Variants in MARK1 observed in about 807,000 individuals in gnomAD.
MARK1 encodes the protein serine/threonine-protein kinase MARK1.
Under a neutral mutation model 96.3 loss-of-function variants are expected in MARK1, and 40 were observed. The ratio of observed to expected loss-of-function variants is 0.42; its 90% confidence interval spans 0.32 to 0.54. The LOEUF is 0.54. Among genes scored for constraint, MARK1 ranks in the 20% least tolerant of loss-of-function variants. The pLI, the probability that MARK1 is intolerant of heterozygous loss-of-function variation, is 0.16. For missense variants in MARK1, 719 were observed against 984.6 expected (o/e 0.73, Z 3.61); for synonymous variants, 317 against 341.2 (o/e 0.93, Z 0.78).
intron 3 of MARK1, among the ~76,000 whole-genome samples, chr1:220,595,606 A>T (rs1242359937): frequency 6.6e-6 from 1 of 152,136 alleles, no homozygotes; most frequent in Non-Finnish European, 1.5e-5. Flanking sequence ...TAGGATCTTG[A>T]TTTTTTTCTA....
chr1:220,613,076 T>C (rs1294420992), intron 6 of MARK1, among the ~76,000 whole-genome samples: 1 of 152,204 alleles, frequency 6.6e-6, no homozygotes, highest in African/African-American at 2.4e-5. Flanking sequence ...CAGTAAATCA[T>C]GTTTTCAGGA....
chr1:220,558,133 AAATAATAATAATAATAATAAT>A (rs56212262), intron 1 of MARK1, among the ~76,000 whole-genome samples: 4 of 137,158 alleles, frequency 2.9e-5, no homozygotes, highest in East Asian at 2.1e-4. Flanking sequence ...ACCCTGTCTC[AAATAATAATAATAATAATAAT>A]AATAATAATA....
chr1:220,610,030 G>A (rs897085114), intron 6 of MARK1, among the ~76,000 whole-genome samples: 9 of 152,068 alleles, frequency 5.9e-5, no homozygotes, highest in African/African-American at 2.2e-4. Flanking sequence ...TATGTGTCTT[G>A]GGGTTGTTCT....
intron 1 of MARK1, among the ~76,000 whole-genome samples, chr1:220,535,172 A>G (rs960894770): frequency 2.0e-5 from 3 of 152,058 alleles, no homozygotes; most frequent in Admixed American, 2.0e-4. Context: ...TTACATTTCC[A>G]CCAACAGTGC....
intron 13 of MARK1, among the ~76,000 whole-genome samples, chr1:220,647,948 T>C (rs1668673054): frequency 6.6e-6 from 1 of 151,930 alleles, no homozygotes; most frequent in Non-Finnish European, 1.5e-5. Context: ...CATGCTGGGC[T>C]TAATACCTAG....
At chr1:220,587,523 C>T (rs1319372332) in intron 3 of MARK1, among the ~76,000 whole-genome samples, 1 of 152,066 alleles carries the variant, frequency 6.6e-6, no homozygotes, top group Admixed American at 6.6e-5. Flanking sequence ...TGCCCGCCAC[C>T]AAGCCCAGCT....
intron 1 of MARK1, among the ~76,000 whole-genome samples, chr1:220,564,449 C>A (rs1209053251): frequency 6.6e-6 from 1 of 152,030 alleles, no homozygotes; most frequent in Admixed American, 6.6e-5. Flanking sequence ...TGGAGACATA[C>A]AATTAATTAT....
At chr1:220,605,936 C>G (rs1455977741) in intron 6 of MARK1, among the ~76,000 whole-genome samples, 2 of 152,120 alleles carry the variant, frequency 1.3e-5, no homozygotes, top group African/African-American at 2.4e-5. Context: ...TGGGTTGGTT[C>G]CAAGTCTTTG....
At chr1:220,633,250 G>T (rs1379299823) in intron 11 of MARK1, among the ~76,000 whole-genome samples, 1 of 152,182 alleles carries the variant, frequency 6.6e-6, no homozygotes, top group African/African-American at 2.4e-5. Context: ...GGAGGGGACA[G>T]AGCATCCAAA....
At position 220,630,399 on chromosome 1, in the gene MARK1, G is replaced by T. The variant is rs1272008869; in HGVS notation, c.910-636G>T. Among the ~76,000 whole-genome samples, 3 of 151,884 alleles carry T rather than the reference G, an allele frequency of 2.0e-5. No individual in the cohort carries two copies. The South Asian group carries it at 6.2e-4, about 32-fold the overall frequency. On this transcript the variant is annotated intron_variant, in intron 9 of 17. Transcript: ENST00000366917. The stretch of plus-strand genomic sequence containing the variant: ...AAATATTTTTCCCATTCTCTAGTTG[G>T]CCCCCACAAGGTTGCCTTTTAACAG...
At position 220,627,239 on chromosome 1, in the gene MARK1, G is replaced by A. The variant is rs868847725; in HGVS notation, c.910-3796G>A. On this transcript the variant is annotated intron_variant, in intron 9 of 17. Transcript: ENST00000366917. ...ATCTCGATCTGTTCCTCTGACAAAC[G>A]AATTGCCTGTGAGGAAGAGTTCTCT... 3.1e-5 allele frequency: 15 copies of A among 486,570 alleles called. No individual in the cohort carries two copies. In the Middle Eastern group the frequency reaches 2.8e-3, roughly 91 times the overall value. The allele number at this position is 486,570 out of a possible 1,614,324, so 30.1% of individuals were successfully genotyped here.
chr1:220,612,647 T>C (rs1666517248), intron 6 of MARK1, among the ~76,000 whole-genome samples: 1 of 152,196 alleles, frequency 6.6e-6, no homozygotes, highest in Non-Finnish European at 1.5e-5. Context: ...TGACTACAGA[T>C]AAATTTATAC....
chr1:220,540,073 T>A (rs1292967253), intron 1 of MARK1, among the ~76,000 whole-genome samples: 1 of 152,202 alleles, frequency 6.6e-6, no homozygotes, highest in Non-Finnish European at 1.5e-5. Context: ...TTTGTTTAGA[T>A]GTTCTATTTT....
chr1:220,633,051 G>A (rs1001471524), intron 11 of MARK1, among the ~76,000 whole-genome samples: 1 of 152,264 alleles, frequency 6.6e-6, no homozygotes, highest in East Asian at 1.9e-4. Flanking sequence ...CATGGCAAGA[G>A]GGAACAGGTG....
intron 9 of MARK1, among the ~76,000 whole-genome samples, chr1:220,624,648 C>T (rs1428381933): frequency 6.6e-6 from 1 of 151,842 alleles, no homozygotes; most frequent in Non-Finnish European, 1.5e-5. Context: ...CTCATTTCCC[C>T]AAATAACAAA....
chr1:220,565,646 C>T (rs1330014273), intron 1 of MARK1, among the ~76,000 whole-genome samples: 1 of 152,130 alleles, frequency 6.6e-6, no homozygotes, highest in Non-Finnish European at 1.5e-5. Context: ...CCCAAAAGCT[C>T]AGGCTAAAGA....
Position 220,579,528 on chromosome 1 carries a change from T to C in MARK1, c.226T>C (p.Leu76=), listed in dbSNP as rs369822958. 13 of 1,613,858 alleles carry C rather than the reference T, an allele frequency of 8.1e-6. No homozygotes were observed. The African/African-American group carries it at 1.3e-4, about 17-fold the overall frequency. The part of the protein sequence containing the change: ...IGKGNFAKVK[L]ARHVLTGREV... ...GAAGGGAAATTTTGCCAAAGTCAAA[T>C]TGGCAAGACACGTTCTAACTGGTAG... The change falls in exon 2 of 18, where the codon TTG becomes CTG. Residue 76 remains leucine (L), a synonymous_variant. Transcript: ENST00000366917.
At chr1:220,638,800 A>C (rs1668116582) in intron 13 of MARK1, among the ~76,000 whole-genome samples, 1 of 152,200 alleles carries the variant, frequency 6.6e-6, no homozygotes, top group Admixed American at 6.5e-5. Context: ...AAACCAAAGT[A>C]ATATATTTTG....
intron 3 of MARK1, among the ~76,000 whole-genome samples, chr1:220,581,905 G>T (rs1425240094): frequency 6.6e-6 from 1 of 152,168 alleles, no homozygotes; most frequent in Non-Finnish European, 1.5e-5. Flanking sequence ...TAACATTTAT[G>T]CTGTATGTGA....
Sources: allele counts gnomAD v4.1 joint callset (sites outside exome capture counted in the v4.1 genomes callset), GRCh38; gene constraint gnomAD v4.1.1; transcripts MANE v1.5; gene names NCBI Gene and HGNC (gene_info 2026-07-23, HGNC 2026-07-21).